Variants in CFAP47 observed in about 807,000 individuals in gnomAD.
CFAP47 encodes cilia and flagella associated protein 47.
In CFAP47, 29 loss-of-function variants were observed where a neutral mutation model predicts 148.1. That is an observed-to-expected ratio of 0.20 (90% confidence interval 0.15 to 0.27). The LOEUF is 0.27. Among genes scored for constraint, CFAP47 ranks in the 10% least tolerant of loss-of-function variants. The pLI is 1.00. For synonymous variants in CFAP47, 664 were observed against 577.3 expected, an observed-to-expected ratio of 1.15 and a Z score of -2.15; for missense variants, 1,872 against 1,697.5, an observed-to-expected ratio of 1.10 and a Z score of -1.81.
intron 8 of CFAP47, among the ~76,000 whole-genome samples, chrX:35,964,831 T>C (rs1246645580): frequency 8.9e-6 from 1 of 111,952 alleles, no homozygotes; most frequent in Non-Finnish European, 1.9e-5. Context: ...CCACACTTTA[T>C]TGAAATTGTG....
chrX:36,274,706 A>G (rs1257082884), intron 49 of CFAP47, among the ~76,000 whole-genome samples: 3 of 112,299 alleles, frequency 2.7e-5, no homozygotes, highest in African/African-American at 9.7e-5. Context: ...GATTTTGTTC[A>G]TGAACATTTG....
rs1318817689 is a variant in CFAP47, at chrX:36,298,849, G to C, written c.7687-128G>C. ...AAGCTAGTGAGATATATTCAATAGT[G>C]TATCAAGGTAAAAAAATAAAACAAA... On this transcript the variant is annotated intron_variant, in intron 51 of 63. Transcript: ENST00000378653. 5 of 398,375 alleles carry C rather than the reference G, an allele frequency of 1.3e-5. No homozygotes were observed. The East Asian group carries it at 2.0e-4, about 16-fold the overall frequency. 32.8% of individuals were successfully genotyped at this position (398,375 alleles called of 1,213,427 possible).
At chrX:36,269,365 T>C (rs1556001521) in intron 49 of CFAP47, among the ~76,000 whole-genome samples, 1 of 112,030 alleles carries the variant, frequency 8.9e-6, no homozygotes, top group Non-Finnish European at 1.9e-5. Context: ...ACAGAGATTT[T>C]AGATAGATAG....
chrX:35,951,692 G>A, intron 5 of CFAP47, 111 bp from the exon 6 acceptor site: 1 of 810,621 alleles, frequency 1.2e-6, no homozygotes, highest in Non-Finnish European at 1.6e-6. Flanking sequence ...TTTAAAGATA[G>A]ATATTTGCTA....
chrX:36,168,952 A>G (rs1939529210), intron 39 of CFAP47, among the ~76,000 whole-genome samples: 1 of 111,752 alleles, frequency 8.9e-6, no homozygotes, highest in Non-Finnish European at 1.9e-5. Flanking sequence ...TCTTTACTTT[A>G]GAATATCTTT....
intron 57 of CFAP47, among the ~76,000 whole-genome samples, chrX:36,328,816 CAAAAAAAAA>C (rs782618340): frequency 1.8e-5 from 1 of 56,463 alleles, no homozygotes; most frequent in Non-Finnish European, 3.3e-5. Flanking sequence ...GACTCTGTCT[CAAAAAAAAA>C]AAAAAAAAAA....
chrX:36,123,567 A>G (rs1938784729), intron 33 of CFAP47, among the ~76,000 whole-genome samples: 1 of 111,488 alleles, frequency 9.0e-6, no homozygotes, highest in Non-Finnish European at 1.9e-5. Context: ...TGTGGCCACA[A>G]CCACCACAGG....
intron 62 of CFAP47, among the ~76,000 whole-genome samples, chrX:36,370,174 A>C (rs782748695): frequency 9.0e-6 from 1 of 110,736 alleles, no homozygotes; most frequent in South Asian, 3.9e-4. Context: ...ATAGATATAC[A>C]TGTGCCATGT....
chrX:35,968,827 A>C (rs1936447227), intron 10 of CFAP47, among the ~76,000 whole-genome samples: 1 of 110,808 alleles, frequency 9.0e-6, no homozygotes, highest in Non-Finnish European at 1.9e-5. Flanking sequence ...CTCCATTTTA[A>C]ATAATTGCCA....
intron 46 of CFAP47, among the ~76,000 whole-genome samples, chrX:36,230,745 T>C (rs1232316472): frequency 9.2e-6 from 1 of 108,173 alleles, no homozygotes; most frequent in Non-Finnish European, 1.9e-5. Flanking sequence ...TGGTTTTAGG[T>C]CTAACGTTTA....
At chrX:36,015,349 A>G (rs1937085001) in intron 22 of CFAP47, among the ~76,000 whole-genome samples, 1 of 111,167 alleles carries the variant, frequency 9.0e-6, no homozygotes, top group African/African-American at 3.2e-5. Flanking sequence ...TAGAAATTTG[A>G]AAGTTTTGCT....
At chrX:36,379,738 G>A (rs1556023742) in intron 63 of CFAP47, 9 of 328,834 alleles carry the variant, frequency 2.7e-5, no homozygotes, top group South Asian at 5.3e-5. Context: ...AACACTAGAG[G>A]AAAGTTAAAA....
chrX:36,201,557 G>T, intron 44 of CFAP47, 57 bp downstream of exon 44: 1 of 294,890 alleles, frequency 3.4e-6, no homozygotes, highest in South Asian at 2.2e-4. Context: ...AAAATACACA[G>T]AGTTACAGAG....
At chrX:36,226,552 T>C (rs1196664230) in intron 45 of CFAP47, among the ~76,000 whole-genome samples, 1 of 111,791 alleles carries the variant, frequency 8.9e-6, no homozygotes, top group Non-Finnish European at 1.9e-5. Flanking sequence ...GAAACAGATA[T>C]TGATTTATAA....
At chrX:36,174,057 G>T (rs1334772733) in intron 39 of CFAP47, among the ~76,000 whole-genome samples, 1 of 108,110 alleles carries the variant, frequency 9.2e-6, no homozygotes, top group Admixed American at 9.9e-5. Context: ...TTATGTAATG[G>T]CCTTCTTTGT....
intron 46 of CFAP47, among the ~76,000 whole-genome samples, chrX:36,229,857 G>A (rs1245467703): frequency 1.7e-4 from 16 of 96,049 alleles, no homozygotes; most frequent in Admixed American, 8.6e-4. Context: ...GAGAATATGC[G>A]GTGTTTGGTT....
chrX:35,966,844 C>T (rs1414734724), intron 9 of CFAP47, 90 bp downstream of exon 9: 2 of 636,123 alleles, frequency 3.1e-6, no homozygotes, highest in Non-Finnish European at 4.4e-6. Context: ...ATTACACACG[C>T]ACATATATGT....
intron 30 of CFAP47, among the ~76,000 whole-genome samples, chrX:36,092,145 ATATG>A (rs1319167228): frequency 8.9e-6 from 1 of 111,768 alleles, no homozygotes; most frequent in African/African-American, 3.2e-5. Flanking sequence ...ATGCATATAA[ATATG>A]TACATACATA....
Position 35,997,342 on chromosome X carries a change from C to A in CFAP47, c.3130C>A (p.Leu1044Ile). The A allele has an allele frequency of 3.4e-6, 1 of 295,237 alleles. No individual in the cohort carries two copies. The highest frequency in any genetic ancestry group is 5.9e-6 in the Non-Finnish European group (1 of 168,751). The allele number at this position is 295,237 out of a possible 1,213,427, so 24.3% of individuals were successfully genotyped here. ...VSIRHANVID[L>I]RIGGSAEIAD... ...TATTCGTCATGCGAATGTTATAGACCTTAGGATTGGTGGATCTGCTGAAAT... is the reference window on the plus strand; with the variant it reads ...TATTCGTCATGCGAATGTTATAGACATTAGGATTGGTGGATCTGCTGAAAT... The change falls in exon 19 of 64, where the codon CTT becomes ATT. Residue 1044 changes from leucine (L) to isoleucine (I), a missense_variant. Transcript: ENST00000378653.
Sources: allele counts gnomAD v4.1 joint callset (sites outside exome capture counted in the v4.1 genomes callset), GRCh38; gene constraint gnomAD v4.1.1; transcripts MANE v1.5; gene names NCBI Gene and HGNC (gene_info 2026-07-23, HGNC 2026-07-21).